The following ARSG variants were observed in gnomAD, a reference collection of about 807,000 sequenced individuals.
ARSG encodes arylsulfatase G.
In ARSG, 37 loss-of-function variants were observed where a neutral mutation model predicts 50.5. That is an observed-to-expected ratio of 0.73 (90% confidence interval 0.56 to 0.96). The LOEUF (loss-of-function observed/expected upper bound fraction) is 0.96, where lower values mean the gene tolerates loss of function less well. ARSG is among the 50% of genes least tolerant of loss of function. The probability of loss-of-function intolerance (pLI) is 0.00; values close to 1 mark genes in which losing one functional copy is unlikely to be tolerated. For missense variants in ARSG, 629 were observed against 675.3 expected (o/e 0.93, Z 0.76); for synonymous variants, 225 against 254.6 (o/e 0.88, Z 1.11).
rs79357048 is a variant in ARSG at position 68,401,485 on chromosome 17, G to T, written c.1303+35G>T. 7,372 of 1,598,394 alleles carry T rather than the reference G, an allele frequency of 4.6e-3. 287 individuals carry two copies. The African/African-American group carries it at 0.086, about 19-fold the overall frequency. On this transcript the variant is annotated intron_variant, in intron 11 of 11. Transcript: ENST00000621439. ...GGGCCACTTAGCCCTGCCTCCCACA[G>T]TCACAGCTGCACGGGGACCCCATGG... is the stretch of plus-strand genomic sequence containing the variant.
In ARSG at chr17:68,279,225, T is replaced by C. The variant is rs557132065; in HGVS notation, c.-552+19799T>C. 9.1e-4 allele frequency among the ~76,000 whole-genome samples: 139 copies of C among 152,156 alleles called. 1 individual carries two copies. The highest frequency in any genetic ancestry group is 3.4e-3 in the Middle Eastern group (1 of 294). Reference sequence around the variant, plus strand: ...GAAAACGGAGGCTGAAAAGCAAACATTGGCGGTGCATCCAGCACCTTCCAC... The same window carrying C: ...GAAAACGGAGGCTGAAAAGCAAACACTGGCGGTGCATCCAGCACCTTCCAC... On this transcript the variant is annotated intron_variant, in intron 1 of 11. Transcript: ENST00000448504.
intron 2 of ARSG, among the ~76,000 whole-genome samples, chr17:68,328,067 G>A (rs2077577065): frequency 6.6e-6 from 1 of 152,096 alleles, no homozygotes; most frequent in African/African-American, 2.4e-5. Flanking sequence ...TTCAGTGCAT[G>A]TTGAGTCTGA....
chr17:68,396,908 T>C (rs2081273097), intron 10 of ARSG, among the ~76,000 whole-genome samples: 1 of 152,156 alleles, frequency 6.6e-6, no homozygotes. Flanking sequence ...GGTTTCCGCC[T>C]TGAGGTTGGA....
At chr17:68,370,324 T>G (rs567142769) in intron 7 of ARSG, 120 bp from the exon 8 acceptor site, 2 of 830,768 alleles carry the variant, frequency 2.4e-6, no homozygotes, top group South Asian at 3.7e-5. Context: ...CATGTTTGTC[T>G]TTATAAGTCC....
At chr17:68,409,635 G>T (rs1255968880) in intron 11 of ARSG, among the ~76,000 whole-genome samples, 1 of 150,414 alleles carries the variant, frequency 6.6e-6, no homozygotes, top group African/African-American at 2.4e-5. Context: ...GAACTTTAAA[G>T]TAGTTTTTTC....
At chr17:68,315,133 A>C (rs1189117950) in intron 2 of ARSG, among the ~76,000 whole-genome samples, 1 of 152,222 alleles carries the variant, frequency 6.6e-6, no homozygotes, top group African/African-American at 2.4e-5. Flanking sequence ...TGGCCAAGCC[A>C]ATATTCAAAC....
intron 9 of ARSG, among the ~76,000 whole-genome samples, chr17:68,392,642 G>C (rs192524843): frequency 6.6e-6 from 1 of 152,310 alleles, no homozygotes; most frequent in Non-Finnish European, 1.5e-5. Flanking sequence ...TGGGATTACA[G>C]GCGTGTGCCA....
At chr17:68,327,665 C>T (rs903231090) in intron 2 of ARSG, among the ~76,000 whole-genome samples, 1 of 152,290 alleles carries the variant, frequency 6.6e-6, no homozygotes, top group East Asian at 1.9e-4. Context: ...CTGCAATCAC[C>T]CTTTTTCTAA....
the ARSG span, among the ~76,000 whole-genome samples, chr17:68,444,881 TCTC>T: frequency 6.6e-6 from 1 of 150,976 alleles, no homozygotes; most frequent in Non-Finnish European, 1.5e-5. Context: ...CTCTCTTCCT[TCTC>T]CTTCTTTCCT....
intron 1 of ARSG, chr17:68,278,378 A>G: frequency 8.6e-7 from 1 of 1,159,424 alleles, no homozygotes; most frequent in Non-Finnish European, 1.3e-6. Flanking sequence ...ATGAGGATCG[A>G]TGATTCTCAT....
chr17:68,294,016 C>T (rs1555757273), intron 1 of ARSG, among the ~76,000 whole-genome samples: 1 of 152,148 alleles, frequency 6.6e-6, no homozygotes, highest in Non-Finnish European at 1.5e-5. Flanking sequence ...CCCTTGCCCC[C>T]AAACAAAACT....
the ARSG span, among the ~76,000 whole-genome samples, chr17:68,432,226 C>T: frequency 2.0e-5 from 3 of 152,078 alleles, no homozygotes; most frequent in African/African-American, 7.2e-5. Flanking sequence ...TGGGGGGAGA[C>T]AAGGATTCTA....
the ARSG span, among the ~76,000 whole-genome samples, chr17:68,442,009 A>G: frequency 1.3e-5 from 2 of 152,196 alleles, no homozygotes; most frequent in Non-Finnish European, 2.9e-5. Context: ...TTCTTGAGAT[A>G]AAATCGATTC....
chr17:68,415,752 G>A (rs538264986), intron 11 of ARSG, among the ~76,000 whole-genome samples: 10 of 152,198 alleles, frequency 6.6e-5, no homozygotes, highest in South Asian at 2.1e-4. Flanking sequence ...TGTTGGACAC[G>A]GCCTTTTACC....
intron 1 of ARSG, chr17:68,274,114 C>G (rs200242857): frequency 6.3e-7 from 1 of 1,595,618 alleles, no homozygotes; most frequent in Non-Finnish European, 8.6e-7. Flanking sequence ...ACAGAGGCTT[C>G]AGGGTTAGCT....
intron 6 of ARSG, among the ~76,000 whole-genome samples, chr17:68,360,229 T>TATTAAGTGAAAAGTCCCGA (rs2079219712): frequency 6.6e-6 from 1 of 152,262 alleles, no homozygotes; most frequent in Non-Finnish European, 1.5e-5. Flanking sequence ...CGAGTCCTGT[T>TATTAAGTGAAAAGTCCCGA]GGCATTTAAC....
chr17:68,444,294 GCACACAGCCCCCCTGCAGGA>G, the ARSG span, among the ~76,000 whole-genome samples: 4 of 152,134 alleles, frequency 2.6e-5, no homozygotes, highest in Non-Finnish European at 5.9e-5. Context: ...GCAATGAAGG[GCACACAGCCCCCCTGCAGGA>G]CACACAGCCT....
At chr17:68,430,404 A>G in the ARSG span, among the ~76,000 whole-genome samples, 735 of 152,326 alleles carry the variant, frequency 4.8e-3, 8 homozygotes, top group African/African-American at 0.017. Context: ...TCCCAATGCT[A>G]CTGCTTTCCC....
At chr17:68,278,006 A>G in intron 1 of ARSG, 1 of 883,938 alleles carries the variant, frequency 1.1e-6, no homozygotes, top group Non-Finnish European at 1.8e-6. Context: ...AAGCATCACA[A>G]ACACATCGAC....
Sources: allele counts gnomAD v4.1 joint callset (sites outside exome capture counted in the v4.1 genomes callset), GRCh38; gene constraint gnomAD v4.1.1; transcripts MANE v1.5; gene names NCBI Gene and HGNC (gene_info 2026-07-23, HGNC 2026-07-21).